The following NFATC2 variants were observed in gnomAD, a reference collection of about 807,000 sequenced individuals.
NFATC2 encodes nuclear factor of activated T cells 2.
NFATC2 carries 22 observed loss-of-function variants against 87.3 expected under a neutral mutation model. The observed-to-expected ratio is 0.25, with a 90% CI of 0.18 to 0.36. The LOEUF is 0.36. Among genes scored for constraint, NFATC2 ranks in the 10% least tolerant of loss-of-function variants. NFATC2 has a pLI of 1.00. For synonymous variants in NFATC2, 565 were observed against 542.2 expected (o/e 1.04, Z -0.58); for missense variants, 1,149 against 1,259.1 (o/e 0.91, Z 1.32).
intron 1 of NFATC2, among the ~76,000 whole-genome samples, chr20:51,541,706 G>T (rs1048560546): frequency 2.0e-5 from 3 of 152,172 alleles, no homozygotes. Flanking sequence ...CCTCTTGTGA[G>T]TGGTAAGTGA....
chr20:51,443,684 G>A (rs1051763182), intron 6 of NFATC2, among the ~76,000 whole-genome samples: 2 of 152,136 alleles, frequency 1.3e-5, no homozygotes, highest in African/African-American at 4.8e-5. Context: ...ACCTACCCCC[G>A]TGGAACAGGA....
intron 6 of NFATC2, among the ~76,000 whole-genome samples, chr20:51,446,909 A>C (rs1985135374): frequency 6.6e-6 from 1 of 152,176 alleles, no homozygotes; most frequent in Admixed American, 6.5e-5. Flanking sequence ...CTGGAGTCTG[A>C]CATTTCCCAG....
intron 6 of NFATC2, among the ~76,000 whole-genome samples, chr20:51,452,203 C>A (rs1287448547): frequency 6.6e-6 from 1 of 152,128 alleles, no homozygotes; most frequent in Admixed American, 6.5e-5. Context: ...CCAGAGGCCC[C>A]CCAATCACTG....
At chr20:51,394,635 T>C (rs938435825) in intron 10 of NFATC2, among the ~76,000 whole-genome samples, 1 of 149,970 alleles carries the variant, frequency 6.7e-6, no homozygotes, top group Non-Finnish European at 1.5e-5. Flanking sequence ...GCATGGGAAG[T>C]ACTCAATAAC....
intron 9 of NFATC2, among the ~76,000 whole-genome samples, chr20:51,423,891 T>C (rs1981348707): frequency 6.6e-6 from 1 of 152,208 alleles, no homozygotes; most frequent in Non-Finnish European, 1.5e-5. Context: ...TTGGAAACAC[T>C]TGCTTTGCAG....
At position 51,431,059 on chromosome 20, in the gene NFATC2, C is replaced by T. The variant is rs79873621; in HGVS notation, c.2722+1008G>A. Among the ~76,000 whole-genome samples, 33 of 152,188 alleles carry T rather than the reference C, an allele frequency of 2.2e-4. No individual in the cohort carries two copies. The East Asian group carries it at 4.4e-3, about 21-fold the overall frequency. On this transcript the variant is annotated intron_variant, in intron 9 of 10. Coordinates refer to ENST00000371564, the MANE Select transcript of NFATC2 (RefSeq NM_012340.5). ...TGGGCTTTGCAACTCGATGGATAAA[C>T]GCTTGAGGGGATGGATACCCCATTC...
At chr20:51,448,958 C>T (rs1985435128) in intron 6 of NFATC2, among the ~76,000 whole-genome samples, 1 of 152,208 alleles carries the variant, frequency 6.6e-6, no homozygotes, top group Non-Finnish European at 1.5e-5. Flanking sequence ...AGAAACACCA[C>T]GCTGCCCCTC....
intron 6 of NFATC2, among the ~76,000 whole-genome samples, chr20:51,441,717 CA>C (rs11474273): frequency 1.2e-4 from 14 of 120,134 alleles, no homozygotes; most frequent in African/African-American, 1.3e-4. Flanking sequence ...AACTCCATCT[CA>C]AAAAAAAAAA....
chr20:51,409,200 A>T (rs1272509115), intron 9 of NFATC2, among the ~76,000 whole-genome samples: 1 of 152,188 alleles, frequency 6.6e-6, no homozygotes, highest in Non-Finnish European at 1.5e-5. Context: ...AAGTGTGTGT[A>T]CACCCTGTGA....
intron 6 of NFATC2, among the ~76,000 whole-genome samples, chr20:51,445,200 C>G (rs553993657): frequency 1.3e-5 from 2 of 152,070 alleles, no homozygotes; most frequent in Non-Finnish European, 1.5e-5. Context: ...GGGCCTGCCC[C>G]CCGCAGCACC....
chr20:51,454,035 C>T (rs1986118474), intron 6 of NFATC2, among the ~76,000 whole-genome samples: 1 of 152,188 alleles, frequency 6.6e-6, no homozygotes, highest in African/African-American at 2.4e-5. Flanking sequence ...TTGGCTTATG[C>T]TGTACTTGGC....
chr20:51,432,220 G>A lies in NFATC2; in HGVS notation c.2569C>T (p.Pro857Ser). The change falls in exon 9 of 11, where the codon CCG (proline) becomes TCG (serine). Residue 857 changes from proline (P) to serine (S), a missense_variant. Physicochemically the swap from Pro to Ser is moderately conservative, Grantham distance 74. Transcript: ENST00000371564. This position sits in a 1 kb window ranked among gnomAD's most constrained non-coding sequence, Gnocchi z 4.6. ...PPVSQGQRLSPGSYPTVIQQQ... is the reference protein window; with the variant it reads ...PPVSQGQRLSSGSYPTVIQQQ... ...TGAATGACTGTGGGGTAGGAACCCGGGCTCAGCCTCTGACCTTGACTGACC... is the reference window on the plus strand; with the variant it reads ...TGAATGACTGTGGGGTAGGAACCCGAGCTCAGCCTCTGACCTTGACTGACC... 1 of 1,613,886 alleles carries A rather than the reference G, an allele frequency of 6.2e-7. No homozygotes were observed. Among genetic ancestry groups the A allele is most frequent in the Non-Finnish European group, 8.5e-7 (1 of 1,179,832 alleles).
intron 10 of NFATC2, 27 bp from the exon 11 acceptor site, chr20:51,391,478 G>GA (rs1986333318): frequency 1.3e-6 from 2 of 1,526,932 alleles, no homozygotes; most frequent in East Asian, 4.6e-5. Context: ...GAGGGGGGGG[G>GA]AGAGAGAATG....
chr20:51,477,535 C>CTACA (rs1988826300), intron 3 of NFATC2, among the ~76,000 whole-genome samples: 2 of 72,736 alleles, frequency 2.7e-5, no homozygotes, highest in African/African-American at 5.0e-5. Context: ...GTGTGTGTGT[C>CTACA]TATATATATA....
chr20:51,546,704 C>A (rs2076892331), upstream of NFATC2, among the ~76,000 whole-genome samples: 6 of 152,176 alleles, frequency 3.9e-5, no homozygotes, highest in Admixed American at 3.9e-4. Flanking sequence ...GCACTTAACC[C>A]ACAGTCTAAT....
chr20:51,529,075 T>G (rs1236779133), intron 1 of NFATC2, among the ~76,000 whole-genome samples: 1 of 152,200 alleles, frequency 6.6e-6, no homozygotes, highest in African/African-American at 2.4e-5. Context: ...AAAAGAGGAA[T>G]GTCAAACCCA....
At chr20:51,444,804 AT>A (rs1268438571) in intron 6 of NFATC2, among the ~76,000 whole-genome samples, 1 of 152,162 alleles carries the variant, frequency 6.6e-6, no homozygotes, top group Non-Finnish European at 1.5e-5. Flanking sequence ...CATGGGCTTA[AT>A]GAGCCCAGCA....
At position 51,391,249 on chromosome 20, in the gene NFATC2, T is replaced by C. The variant is rs1459162233; in HGVS notation, c.*247A>G. 1.2e-6 allele frequency: 1 copy of C among 842,156 alleles called. No individual in the cohort carries two copies. The highest frequency in any genetic ancestry group is 2.1e-6 in the Non-Finnish European group (1 of 482,278). 52.2% of individuals were successfully genotyped at this position (842,156 alleles called of 1,614,324 possible). A position where few individuals can be genotyped will look rare whatever the true frequency, so the allele number is the denominator to read the frequency against. ...TGTTTAGAGGGAGGTGGCGAGCTCC[T>C]TAAGTGAGAGTCCGCTTAGTGCCCA... is the stretch of plus-strand genomic sequence containing the variant. On this transcript the variant is annotated 3_prime_UTR_variant, in exon 11 of 11. Transcript: ENST00000371564.
chr20:51,434,925 C>G (rs1488778661), intron 8 of NFATC2, among the ~76,000 whole-genome samples: 1 of 152,190 alleles, frequency 6.6e-6, no homozygotes, highest in Non-Finnish European at 1.5e-5. Flanking sequence ...TTCTATTCCC[C>G]CTTCCCCTAA....
Sources: gnomAD v4.1 joint callset for allele counts (sites outside exome capture counted in the v4.1 genomes callset) on GRCh38, gnomAD v4.1.1 for gene constraint, Gnocchi (gnomAD v3.1) non-coding constraint, MANE v1.5 for transcripts, NCBI Gene and HGNC (gene_info 2026-07-23, HGNC 2026-07-21) for gene names.